RASAL3: variants seen among roughly 807,000 people sequenced by gnomAD.
RASAL3 encodes RAS protein activator like-3.
Under a neutral mutation model 105.5 loss-of-function variants are expected in RASAL3, and 74 were observed. The observed-to-expected ratio is 0.70, with a 90% confidence interval of 0.58 to 0.85. The LOEUF is 0.85. RASAL3 is among the 40% of genes least tolerant of loss of function. The probability of loss-of-function intolerance (pLI) is 0.00; values close to 1 mark genes in which losing one functional copy is unlikely to be tolerated. For synonymous variants in RASAL3, 579 were observed against 591.6 expected (o/e 0.98, Z 0.31); for missense variants, 1,352 against 1,392.0 (o/e 0.97, Z 0.46).
In RASAL3 at chr19:15,454,195, A is replaced by G; in HGVS notation, c.2233T>C (p.Ser745Pro). The G allele has an allele frequency of 6.4e-7, 1 of 1,570,708 alleles. No homozygotes were observed. The highest frequency in any genetic ancestry group is 1.9e-5 in the Admixed American group (1 of 53,180). ...AIEEGQPVLV[S>P]VPMRLPLPPA... ...GGCAGTGGGAGACGCATTGGCACTG[A>G]CACAAGCACAGGCTGGCCCTCCTCA... The change falls in exon 14 of 18, where the codon TCA (serine) becomes CCA (proline). Residue 745 changes from serine to proline, a missense_variant. Transcript: ENST00000343625.
chr19:15,452,176 G>T, intron 16 of RASAL3, 68 bp from the exon 17 acceptor site: 5 of 1,533,324 alleles, frequency 3.3e-6, no homozygotes, highest in Non-Finnish European at 4.5e-6. Flanking sequence ...CCTGGTGGGA[G>T]TGCCAGGGAC....
intron 6 of RASAL3, among the ~76,000 whole-genome samples, chr19:15,459,538 C>T (rs1455207310): frequency 6.6e-6 from 1 of 151,816 alleles, no homozygotes; most frequent in Non-Finnish European, 1.5e-5. Flanking sequence ...GCCACCGCAC[C>T]CAGCCCTATT....
At chr19:15,452,223 C>T (rs2145446125) in intron 16 of RASAL3, 115 bp from the exon 17 acceptor site, 1 of 1,008,348 alleles carries the variant, frequency 9.9e-7, no homozygotes, top group Non-Finnish European at 1.6e-6. Flanking sequence ...CGGAGCTTGT[C>T]CAGACTGAGG....
At position 15,456,523 on chromosome 19, in the gene RASAL3, C is replaced by A. The variant is rs764343725; in HGVS notation, c.1555G>T (p.Asp519Tyr). 1 of 1,613,824 alleles carries A rather than the reference C, an allele frequency of 6.2e-7. No individual in the cohort carries two copies. The highest frequency in any genetic ancestry group is 8.5e-7 in the Non-Finnish European group (1 of 1,179,806). Residue 519 changes from aspartate to tyrosine, a missense_variant, in exon 10 of 18, where the codon GAT becomes TAT. Asp to Tyr is a radical substitution (Grantham distance 160). This residue lies in a region of RASAL3 where 920 missense variants were observed against 919.6 expected (regional missense o/e 1.00). Transcript: ENST00000343625. This position sits in a 1 kb window ranked among gnomAD's most constrained non-coding sequence, Gnocchi z 4.4. ...IDEYMKLVAQ[D>Y]YLQETLGQVV... The stretch of plus-strand genomic sequence containing the variant: ...TCACCCAGGGTCTCCTGGAGGTAAT[C>A]CTGTGCCACGAGCTTCATGTACTCA...
In RASAL3 at chr19:15,456,693, A is replaced by G. The variant is rs952634075; in HGVS notation, c.1432-47T>C. On this transcript the variant is annotated intron_variant, in intron 9 of 17. Coordinates refer to ENST00000343625, the MANE Select transcript of RASAL3 (RefSeq NM_022904.3). This position sits in a 1 kb window ranked among gnomAD's most constrained non-coding sequence, Gnocchi z 4.4. ...GTTGCACCAGATGCAGACAGAGTCCAAGGGAATTCGGATCCTTGGCTGGTC... is the reference window on the plus strand; with the variant it reads ...GTTGCACCAGATGCAGACAGAGTCCGAGGGAATTCGGATCCTTGGCTGGTC... 8 of 1,590,390 alleles carry G rather than the reference A, an allele frequency of 5.0e-6. No homozygotes were observed. Among genetic ancestry groups the G allele is most frequent in the Non-Finnish European group, 6.8e-6 (8 of 1,171,560 alleles).
chr19:15,460,299 C>T, intron 5 of RASAL3, 41 bp from the exon 6 acceptor site: 1 of 1,568,578 alleles, frequency 6.4e-7, no homozygotes, highest in Middle Eastern at 1.7e-4. Flanking sequence ...AATCTGTGCT[C>T]CTTCCTCAGC....
intron 16 of RASAL3, 99 bp downstream of exon 16, chr19:15,452,559 C>T: frequency 1.0e-6 from 1 of 983,320 alleles, no homozygotes. Context: ...GGGGCTTGGC[C>T]GTGCTAGGCG....
chr19:15,462,345 G>C (rs1033753055), intron 2 of RASAL3, among the ~76,000 whole-genome samples: 2 of 152,100 alleles, frequency 1.3e-5, no homozygotes, highest in African/African-American at 2.4e-5. Flanking sequence ...AATTAGCCAG[G>C]CGTGGTGGCA....
chr19:15,459,945 ATC>A (rs1397019270), intron 6 of RASAL3, among the ~76,000 whole-genome samples: 1 of 152,072 alleles, frequency 6.6e-6, no homozygotes, highest in Non-Finnish European at 1.5e-5. Context: ...CACCCTTCAG[ATC>A]TCAGCTCAAG....
chr19:15,461,724 G>C, intron 2 of RASAL3, 117 bp from the exon 3 acceptor site: 1 of 1,378,886 alleles, frequency 7.3e-7, no homozygotes. Flanking sequence ...CACCCCAGCA[G>C]CCGTATCAGA....
chr19:15,454,126 C>T (rs1270201991), intron 14 of RASAL3, 23 bp downstream of exon 14: 7 of 1,522,476 alleles, frequency 4.6e-6, no homozygotes, highest in South Asian at 1.2e-5. Context: ...ACCCATCAGA[C>T]CCCAGACCAG....
At chr19:15,452,222 T>A in intron 16 of RASAL3, 114 bp from the exon 17 acceptor site, 2 of 1,028,592 alleles carry the variant, frequency 1.9e-6, no homozygotes, top group Non-Finnish European at 3.0e-6. Context: ...GCGGAGCTTG[T>A]CCAGACTGAG....
rs1970319593 is a variant in RASAL3, at chr19:15,456,357, G to A, written c.1577-109C>T. 1 of 1,535,370 alleles carries A rather than the reference G, an allele frequency of 6.5e-7. No individual in the cohort carries two copies. Among genetic ancestry groups the A allele is most frequent in the Non-Finnish European group, 8.8e-7 (1 of 1,135,004 alleles). On this transcript the variant is annotated intron_variant, in intron 10 of 17. Transcript: ENST00000343625. This position sits in a 1 kb window ranked among gnomAD's most constrained non-coding sequence, Gnocchi z 4.4. ...TATTCCGGAGGCACCCAACATCTTG[G>A]GGAGCTCCCAATTGTCCCCAGGATC...
At chr19:15,454,584 T>G (rs1970258856) in intron 12 of RASAL3, 22 bp from the exon 13 acceptor site, 4 of 1,613,174 alleles carry the variant, frequency 2.5e-6, no homozygotes, top group Non-Finnish European at 3.4e-6. Context: ...CCAGGCTGGG[T>G]GGGTCAGGTC....
chr19:15,458,700 C>A, intron 6 of RASAL3, 45 bp from the exon 7 acceptor site: 1 of 1,595,200 alleles, frequency 6.3e-7, no homozygotes, highest in Non-Finnish European at 8.5e-7. Context: ...TGCCTCTTCC[C>A]CATCCCCCAT....
Position 15,458,595 on chromosome 19 carries a change from A to T in RASAL3, c.723T>A (p.Gly241=), listed in dbSNP as rs1460071718. Residue 241 remains glycine (G), a synonymous_variant, in exon 7 of 18, where the codon GGT becomes GGA. Coordinates refer to ENST00000343625, the MANE Select transcript of RASAL3 (RefSeq NM_022904.3). ...SLATLSELDL[G]AERDVRIWPL... is the part of the protein sequence containing the mutation. ...GCCAGATCCGCACATCCCGCTCGGC[A>T]CCCAGGTCCAGTTCAGAGAGTGTGG... 1.2e-6 allele frequency: 2 copies of T among 1,613,454 alleles called. No homozygotes were observed. The highest frequency in any genetic ancestry group is 1.7e-5 in the Admixed American group (1 of 59,936).
At chr19:15,463,867 G>A (rs777993622) in intron 2 of RASAL3, among the ~76,000 whole-genome samples, 164 bp downstream of exon 2, 2 of 152,256 alleles carry the variant, frequency 1.3e-5, no homozygotes, top group African/African-American at 2.4e-5. Context: ...ACCCTCTTTA[G>A]GGGGAAAGAG....
In RASAL3 at chr19:15,457,912, A is replaced by G. The variant is rs1185447316; in HGVS notation, c.889-78T>C. On this transcript the variant is annotated intron_variant, in intron 8 of 17. Transcript: ENST00000343625. This position sits in a 1 kb window ranked among gnomAD's most constrained non-coding sequence, Gnocchi z 8.6. ...AGAAGGCACCGCAAGTGAAGCGTGG[A>G]GCCTCAAACCTGTTGCGTCGGGTCC... 6.7e-7 allele frequency: 1 copy of G among 1,492,956 alleles called. No homozygotes were observed. The highest frequency in any genetic ancestry group is 1.4e-5 in the African/African-American group (1 of 71,358). 92.5% of individuals were successfully genotyped at this position (1,492,956 alleles called of 1,614,324 possible). A position where few individuals can be genotyped will look rare whatever the true frequency, so the allele number is the denominator to read the frequency against.
In RASAL3 at chr19:15,457,031, C is replaced by G. The variant is rs1568328570; in HGVS notation, c.1431+261G>C. ...CCTTACAGGTGCAGCTCAGCCCCAGCCCCTCACAGCTGACGCTCAGGTCCC... is the reference window on the plus strand; with the variant it reads ...CCTTACAGGTGCAGCTCAGCCCCAGGCCCTCACAGCTGACGCTCAGGTCCC... On this transcript the variant is annotated intron_variant, in intron 9 of 17. Transcript: ENST00000343625. This position sits in a 1 kb window ranked among gnomAD's most constrained non-coding sequence, Gnocchi z 8.6. 1 of 425,728 alleles carries G rather than the reference C, an allele frequency of 2.3e-6. No individual in the cohort carries two copies. The highest frequency in any genetic ancestry group is 4.0e-5 in the East Asian group (1 of 25,192). The allele number at this position is 425,728 out of a possible 1,614,324, so 26.4% of individuals were successfully genotyped here.
Sources: gnomAD v4.1 joint callset for allele counts (sites outside exome capture counted in the v4.1 genomes callset) on GRCh38, gnomAD v4.1.1 for gene constraint, gnomAD v4.1.1 regional missense constraint, Gnocchi (gnomAD v3.1) non-coding constraint, MANE v1.5 for transcripts, NCBI Gene and HGNC (gene_info 2026-07-23, HGNC 2026-07-21) for gene names.